Variants in GMPR observed in about 807,000 individuals in gnomAD.
GMPR encodes guanosine monophosphate reductase.
In GMPR, 31 loss-of-function variants were observed where a neutral mutation model predicts 38.4. That is an observed-to-expected ratio of 0.81 (90% CI 0.61 to 1.09). GMPR has a LOEUF of 1.09. GMPR is among the 50% of genes least tolerant of loss of function. The pLI is 0.00. For synonymous variants in GMPR, 162 were observed against 173.3 expected, an observed-to-expected ratio of 0.93 and a Z score of 0.51; for missense variants, 468 against 453.7, an observed-to-expected ratio of 1.03 and a Z score of -0.29.
At chr6:16,255,081 G>A (rs573153179) in intron 4 of GMPR, among the ~76,000 whole-genome samples, 2 of 151,182 alleles carry the variant, frequency 1.3e-5, no homozygotes, top group South Asian at 2.1e-4. Context: ...GGGTGATCTC[G>A]GCTCACTGCA....
intron 7 of GMPR, among the ~76,000 whole-genome samples, chr6:16,288,543 C>G (rs1418605210): frequency 6.6e-6 from 1 of 152,240 alleles, no homozygotes; most frequent in African/African-American, 2.4e-5. Context: ...TCCCCGCCCC[C>G]TCCACGGGCT....
intron 8 of GMPR, among the ~76,000 whole-genome samples, chr6:16,291,348 C>T (rs541471963): frequency 1.3e-5 from 2 of 152,046 alleles, no homozygotes; most frequent in African/African-American, 2.4e-5. Flanking sequence ...CTCAGCCTCC[C>T]GAATAACTGG....
At chr6:16,286,872 C>T (rs959967009) in intron 7 of GMPR, among the ~76,000 whole-genome samples, 2 of 152,010 alleles carry the variant, frequency 1.3e-5, no homozygotes, top group Non-Finnish European at 1.5e-5. Flanking sequence ...CGCCACTGCA[C>T]TCCAGCCTGG....
intron 2 of GMPR, among the ~76,000 whole-genome samples, chr6:16,249,920 C>A (rs1375286339): frequency 6.6e-6 from 1 of 152,020 alleles, no homozygotes; most frequent in Admixed American, 6.5e-5. Context: ...AGGGGACCTG[C>A]TGCCTGGTTT....
intron 3 of GMPR, among the ~76,000 whole-genome samples, chr6:16,254,280 G>C (rs1581649591): frequency 6.6e-6 from 1 of 152,004 alleles, no homozygotes; most frequent in East Asian, 1.9e-4. Context: ...TGGCCAGGCT[G>C]GTCTCAAACT....
At chr6:16,261,627 G>A (rs1457158505) in intron 4 of GMPR, among the ~76,000 whole-genome samples, 5 of 152,010 alleles carry the variant, frequency 3.3e-5, no homozygotes, top group Non-Finnish European at 5.9e-5. Context: ...TTTTAGGACA[G>A]GTAAAATGGG....
intron 1 of GMPR, among the ~76,000 whole-genome samples, chr6:16,246,261 C>A (rs539016113): frequency 1.3e-5 from 2 of 152,176 alleles, no homozygotes; most frequent in East Asian, 3.9e-4. Flanking sequence ...TTGGAGCCCC[C>A]TGACCTCCCC....
At chr6:16,271,882 T>A (rs935666888) in intron 4 of GMPR, among the ~76,000 whole-genome samples, 4 of 152,220 alleles carry the variant, frequency 2.6e-5, no homozygotes, top group African/African-American at 9.6e-5. Flanking sequence ...CCCAACATTA[T>A]ACTGAAAGCA....
At chr6:16,253,038 A>G (rs1460083936) in intron 3 of GMPR, among the ~76,000 whole-genome samples, 1 of 152,272 alleles carries the variant, frequency 6.6e-6, no homozygotes, top group African/African-American at 2.4e-5. Context: ...ACTAAGGCAT[A>G]AATTAGTGAA....
chr6:16,267,287 G>A (rs939588957), intron 4 of GMPR, among the ~76,000 whole-genome samples: 7 of 152,112 alleles, frequency 4.6e-5, no homozygotes, highest in Non-Finnish European at 8.8e-5. Context: ...CAGGAGAATT[G>A]CATGAACCTG....
chr6:16,250,879 A>T (rs569390051), intron 3 of GMPR, among the ~76,000 whole-genome samples: 9 of 136,442 alleles, frequency 6.6e-5, no homozygotes, highest in African/African-American at 2.5e-4. Flanking sequence ...TCTCTTTTTA[A>T]AAAAAAAAAA....
intron 4 of GMPR, chr6:16,264,321 AG>A (rs1006837381): frequency 4.4e-6 from 1 of 225,052 alleles, no homozygotes; most frequent in African/African-American, 2.4e-5. Flanking sequence ...TGGAGAAGAG[AG>A]TAAAAAGAGG....
chr6:16,266,294 G>A (rs573286636), intron 4 of GMPR, among the ~76,000 whole-genome samples: 29 of 151,470 alleles, frequency 1.9e-4, no homozygotes, highest in African/African-American at 7.0e-4. Flanking sequence ...CCTGAAGTCA[G>A]TGTAGACCAT....
chr6:16,274,262 G>A (rs746667543), intron 4 of GMPR, among the ~76,000 whole-genome samples, 153 bp from the exon 5 acceptor site: 1 of 152,160 alleles, frequency 6.6e-6, no homozygotes, highest in African/African-American at 2.4e-5. Context: ...TCCCAAAAGT[G>A]GTCTCCAGGT....
chr6:16,292,788 G>C (rs1460775240), intron 8 of GMPR, among the ~76,000 whole-genome samples: 1 of 152,162 alleles, frequency 6.6e-6, no homozygotes, highest in Non-Finnish European at 1.5e-5. Flanking sequence ...GAAGACCAGA[G>C]CAGGCTATGG....
chr6:16,290,278 C>G, intron 7 of GMPR, 184 bp from the exon 8 acceptor site: 2 of 659,340 alleles, frequency 3.0e-6, no homozygotes, highest in Non-Finnish European at 5.5e-6. Flanking sequence ...ATGGCCCTTT[C>G]TCCCTGCATG....
At chr6:16,278,938 G>A (rs763932270) in intron 6 of GMPR, 48 bp downstream of exon 6, 3 of 1,121,854 alleles carry the variant, frequency 2.7e-6, no homozygotes, top group Admixed American at 1.8e-5. Context: ...GGAGGCCCCT[G>A]CTCCCTCGCT....
intron 8 of GMPR, among the ~76,000 whole-genome samples, chr6:16,293,172 G>C (rs1371615850): frequency 6.6e-6 from 1 of 152,188 alleles, no homozygotes; most frequent in Non-Finnish European, 1.5e-5. Context: ...GTGCCCGGGA[G>C]GCAAAGTACC....
intron 4 of GMPR, among the ~76,000 whole-genome samples, chr6:16,268,412 T>TAACTAC (rs1464676244): frequency 6.6e-6 from 1 of 152,144 alleles, no homozygotes; most frequent in African/African-American, 2.4e-5. Flanking sequence ...CCTCCCAGGT[T>TAACTAC]CAAGTGATTC....
Sources: allele counts gnomAD v4.1 joint callset (sites outside exome capture counted in the v4.1 genomes callset), GRCh38; gene constraint gnomAD v4.1.1; transcripts MANE v1.5; gene names NCBI Gene and HGNC (gene_info 2026-07-23, HGNC 2026-07-21).